The following UVRAG variants were observed in gnomAD, a reference collection of about 807,000 sequenced individuals.
UVRAG encodes UV radiation resistance-associated gene protein.
In UVRAG, 19 loss-of-function variants were observed where a neutral mutation model predicts 78.0. The ratio of observed to expected loss-of-function variants is 0.24; its 90% CI spans 0.17 to 0.36. UVRAG has a LOEUF of 0.36. Ranked by LOEUF, UVRAG falls within the 10% of genes least tolerant of loss-of-function variation. The pLI, the probability that UVRAG is intolerant of heterozygous loss-of-function variation, is 1.00. For missense variants in UVRAG, 740 were observed against 853.8 expected, an observed-to-expected ratio of 0.87 and a Z score of 1.66; for synonymous variants, 323 against 324.6, an observed-to-expected ratio of 1.00 and a Z score of 0.05.
intron 5 of UVRAG, among the ~76,000 whole-genome samples, chr11:75,893,833 A>T (rs1181169768): frequency 1.3e-5 from 2 of 151,884 alleles, no homozygotes; most frequent in African/African-American, 4.8e-5. Context: ...ACAGAAAAAA[A>T]AAAAAAGCGA....
Position 75,872,391 on chromosome 11 carries a change from C to CTTTT in UVRAG, c.271-7475_271-7472dup, listed in dbSNP as rs558324580. 6.4e-4 allele frequency among the ~76,000 whole-genome samples: 88 copies of CTTTT among 137,164 alleles called. 1 individual carries two copies. The highest frequency in any genetic ancestry group is 7.9e-3 in the Middle Eastern group (2 of 252). 90.0% of individuals were successfully genotyped at this position (137,164 alleles called of 152,430 possible). Reference sequence around the variant, plus strand: ...GTATACAAAAGTGATCTAATGCTGCCTTTTTTTTTTTTTTTTAGACGGAGG... The same window carrying CTTTT: ...GTATACAAAAGTGATCTAATGCTGCCTTTTTTTTTTTTTTTTTTTTAGACGGAGG... On this transcript the variant is annotated intron_variant, in intron 3 of 14. Coordinates refer to ENST00000356136, the MANE Select transcript of UVRAG (RefSeq NM_003369.4).
chr11:75,868,837 CA>C (rs200027194), intron 3 of UVRAG, among the ~76,000 whole-genome samples: 674 of 152,222 alleles, frequency 4.4e-3, no homozygotes, highest in Middle Eastern at 0.014. Flanking sequence ...GTTATTTTCC[CA>C]AAAACAAGTT....
chr11:76,083,770 A>G (rs1490336497), intron 13 of UVRAG, among the ~76,000 whole-genome samples: 1 of 152,194 alleles, frequency 6.6e-6, no homozygotes, highest in African/African-American at 2.4e-5. Context: ...CCTTCTTTTA[A>G]TAAGCCTTCA....
chr11:76,055,018 AC>A (rs1950953068), intron 12 of UVRAG, among the ~76,000 whole-genome samples: 1 of 152,062 alleles, frequency 6.6e-6, no homozygotes, highest in Non-Finnish European at 1.5e-5. Context: ...CAAATTTCTG[AC>A]CTTTACTTTC....
chr11:76,006,336 T>C (rs1949937419), intron 9 of UVRAG, among the ~76,000 whole-genome samples: 1 of 152,132 alleles, frequency 6.6e-6, no homozygotes, highest in Non-Finnish European at 1.5e-5. Context: ...AGGTATTTTA[T>C]GTATTGATCA....
intron 8 of UVRAG, among the ~76,000 whole-genome samples, chr11:75,985,211 G>A (rs1224930258): frequency 2.2e-5 from 3 of 133,986 alleles, no homozygotes; most frequent in South Asian, 2.3e-4. Flanking sequence ...TGTATTTTTC[G>A]TTTTAGCCTT....
At chr11:75,828,731 G>A (rs12224537) in intron 1 of UVRAG, among the ~76,000 whole-genome samples, 273 of 110,778 alleles carry the variant, frequency 2.5e-3, no homozygotes, top group Non-Finnish European at 3.9e-3. Flanking sequence ...ATGTGTGTGT[G>A]TATATATATA....
intron 6 of UVRAG, among the ~76,000 whole-genome samples, chr11:75,932,637 G>C (rs1565386100): frequency 6.6e-6 from 1 of 152,100 alleles, no homozygotes. Context: ...CCAAAAAACT[G>C]TTAGAACTGA....
chr11:76,053,968 C>A (rs75951070), intron 12 of UVRAG, among the ~76,000 whole-genome samples: 146 of 123,566 alleles, frequency 1.2e-3, no homozygotes, highest in Non-Finnish European at 1.1e-3. Flanking sequence ...GACTCCATCT[C>A]AAAAAAAAAA....
rs999200854 is a variant in UVRAG, at chr11:76,085,855, A to G, written c.1305+20067A>G. 3.3e-5 allele frequency among the ~76,000 whole-genome samples: 5 copies of G among 152,038 alleles called. No homozygotes were observed. In the South Asian group the frequency reaches 8.3e-4, roughly 25 times the overall value. ...TTGTCATATTTCCACGTCCTTTTCCATGTGTGTTTTTCACAACTCATCTAT... is the reference window on the plus strand; with the variant it reads ...TTGTCATATTTCCACGTCCTTTTCCGTGTGTGTTTTTCACAACTCATCTAT... On this transcript the variant is annotated intron_variant, in intron 13 of 14. Transcript: ENST00000356136.
intron 6 of UVRAG, among the ~76,000 whole-genome samples, chr11:75,928,047 A>G (rs1948152016): frequency 6.6e-6 from 1 of 151,970 alleles, no homozygotes; most frequent in Non-Finnish European, 1.5e-5. Flanking sequence ...GGCTGTAGTG[A>G]GCTCTCATTG....
chr11:75,817,647 G>A (rs1418904392), intron 1 of UVRAG, among the ~76,000 whole-genome samples: 2 of 152,120 alleles, frequency 1.3e-5, no homozygotes, highest in Non-Finnish European at 1.5e-5. Flanking sequence ...ATAAAATTTT[G>A]TTGAAGTTTT....
Position 76,073,079 on chromosome 11 carries a change from T to TTA in UVRAG, c.1305+7303_1305+7304dup, listed in dbSNP as rs554496334. 2.7e-3 allele frequency among the ~76,000 whole-genome samples: 406 copies of TTA among 152,088 alleles called. 2 individuals carry two copies. Among genetic ancestry groups the TTA allele is most frequent in the African/African-American group, 9.1e-3 (376 of 41,500 alleles). ...TTCTGTAAGACTGTGTACTCATAGTTTATATATATATATTTAAAATGGGGT... is the reference window on the plus strand; with the variant it reads ...TTCTGTAAGACTGTGTACTCATAGTTTATATATATATATATTTAAAATGGGGT... On this transcript the variant is annotated intron_variant, in intron 13 of 14. Transcript: ENST00000356136.
chr11:75,858,749 C>G (rs899863595), intron 2 of UVRAG, among the ~76,000 whole-genome samples: 2 of 152,162 alleles, frequency 1.3e-5, no homozygotes, highest in East Asian at 3.8e-4. Context: ...AACCACCAAG[C>G]CTATGCAAAC....
At chr11:76,045,256 A>G (rs557723835) in intron 12 of UVRAG, among the ~76,000 whole-genome samples, 2 of 152,354 alleles carry the variant, frequency 1.3e-5, no homozygotes, top group African/African-American at 4.8e-5. Context: ...GATCCAAGAG[A>G]AGATACATAC....
intron 6 of UVRAG, among the ~76,000 whole-genome samples, chr11:75,941,584 A>G (rs1449839580): frequency 1.3e-5 from 2 of 152,142 alleles, no homozygotes; most frequent in Non-Finnish European, 2.9e-5. Flanking sequence ...TTTATGCTCA[A>G]AAAGTTTTGA....
At chr11:75,868,863 G>C (rs1946589118) in intron 3 of UVRAG, among the ~76,000 whole-genome samples, 1 of 152,134 alleles carries the variant, frequency 6.6e-6, no homozygotes, top group African/African-American at 2.4e-5. Context: ...ACTTTTATTA[G>C]AATATTAAAA....
chr11:75,898,271 G>C (rs1947395815), intron 5 of UVRAG, among the ~76,000 whole-genome samples: 1 of 152,192 alleles, frequency 6.6e-6, no homozygotes, highest in South Asian at 2.1e-4. Flanking sequence ...TTGCTTAAAA[G>C]AAATTGAGTC....
intron 6 of UVRAG, among the ~76,000 whole-genome samples, chr11:75,917,677 C>T (rs147311060): frequency 6.1e-4 from 93 of 152,270 alleles, no homozygotes; most frequent in African/African-American, 1.9e-3. Context: ...ACACTCATCG[C>T]GTTAATACTC....
Sources: gnomAD v4.1 joint callset for allele counts (sites outside exome capture counted in the v4.1 genomes callset) on GRCh38, gnomAD v4.1.1 for gene constraint, MANE v1.5 for transcripts, NCBI Gene and HGNC (gene_info 2026-07-23, HGNC 2026-07-21) for gene names.